DHX32: variants seen among roughly 807,000 people sequenced by gnomAD.
The protein encoded by DHX32 is DEAH-box helicase 32 (putative).
A neutral mutation model predicts 70.0 loss-of-function variants in DHX32; 51 were observed. The ratio of observed to expected loss-of-function variants is 0.73; its 90% confidence interval spans 0.58 to 0.92. The LOEUF (loss-of-function observed/expected upper bound fraction) is 0.92. Ranked by LOEUF, DHX32 falls within the 40% of genes least tolerant of loss-of-function variation. DHX32 has a pLI of 0.00. For synonymous variants in DHX32, 310 were observed against 315.3 expected (o/e 0.98, Z 0.18); for missense variants, 762 against 891.8 (o/e 0.85, Z 1.85).
intron 6 of DHX32, among the ~76,000 whole-genome samples, chr10:125,843,387 G>T (rs1268222885): frequency 6.6e-6 from 1 of 152,072 alleles, no homozygotes; most frequent in Non-Finnish European, 1.5e-5. Context: ...GAGGCGGGAG[G>T]ATCACCAGGT....
intron 1 of DHX32, among the ~76,000 whole-genome samples, chr10:125,894,469 A>T (rs1944399016): frequency 6.6e-6 from 1 of 152,250 alleles, no homozygotes; most frequent in Non-Finnish European, 1.5e-5. Context: ...TGTCCCCTAA[A>T]ATCAAATGTT....
At chr10:125,863,639 CG>C (rs1944202736) in intron 2 of DHX32, among the ~76,000 whole-genome samples, 1 of 151,932 alleles carries the variant, frequency 6.6e-6, no homozygotes, top group African/African-American at 2.4e-5. Context: ...TTAGTAGAGA[CG>C]GGGTTTCACC....
rs560318203 is a variant in DHX32 at position 125,836,600 on chromosome 10, G to A, written c.*87C>T. On this transcript the variant is annotated 3_prime_UTR_variant, in exon 11 of 11. Transcript: ENST00000284690. Reference sequence around the variant, plus strand: ...AGACCGTCCTGTGGATGTGAAATCCGTCTTCGCGTCATGTATCTCCCATAT... The same window carrying A: ...AGACCGTCCTGTGGATGTGAAATCCATCTTCGCGTCATGTATCTCCCATAT... 4.9e-4 allele frequency: 730 copies of A among 1,489,766 alleles called. 12 individuals carry two copies. The South Asian group carries it at 9.2e-3, about 19-fold the overall frequency. The allele number at this position is 1,489,766 out of a possible 1,614,324, so 92.3% of individuals were successfully genotyped here. A position where few individuals can be genotyped will look rare whatever the true frequency, so the allele number is the denominator to read the frequency against.
intron 1 of DHX32, among the ~76,000 whole-genome samples, chr10:125,874,108 A>G (rs1589716407): frequency 1.3e-5 from 2 of 152,224 alleles, no homozygotes. Context: ...TTCTATAAAC[A>G]TATGGGAAAT....
intron 4 of DHX32, chr10:125,853,736 G>A: frequency 2.0e-6 from 1 of 492,166 alleles, no homozygotes; most frequent in African/African-American, 2.0e-5. Flanking sequence ...TTTCTCCTTT[G>A]GCAGCTCAAT....
intron 1 of DHX32, among the ~76,000 whole-genome samples, chr10:125,870,409 T>C (rs1944248817): frequency 6.6e-6 from 1 of 152,198 alleles, no homozygotes; most frequent in East Asian, 1.9e-4. Context: ...GTAAACAGCA[T>C]GACCAGAACC....
intron 1 of DHX32, among the ~76,000 whole-genome samples, chr10:125,868,190 T>C (rs1288379860): frequency 1.3e-5 from 2 of 152,238 alleles, no homozygotes; most frequent in East Asian, 1.9e-4. Context: ...AAATATATTA[T>C]GGACCAACTG....
intron 6 of DHX32, among the ~76,000 whole-genome samples, chr10:125,844,089 A>G (rs1854949515): frequency 1.3e-5 from 2 of 152,234 alleles, no homozygotes; most frequent in East Asian, 1.9e-4. Flanking sequence ...TGGACTAACC[A>G]TGACCTTGAG....
upstream of DHX32, among the ~76,000 whole-genome samples, chr10:125,883,841 A>T (rs907266676): frequency 7.2e-5 from 11 of 152,194 alleles, no homozygotes; most frequent in African/African-American, 2.4e-4. Context: ...AATCTACAGA[A>T]GCCAAAGACC....
At chr10:125,847,802 A>G (rs1396310990) in intron 6 of DHX32, among the ~76,000 whole-genome samples, 1 of 152,138 alleles carries the variant, frequency 6.6e-6, no homozygotes, top group Non-Finnish European at 1.5e-5. Flanking sequence ...ATCAGGCATT[A>G]GATTCTCATA....
chr10:125,852,064 C>G (rs1371083610), intron 6 of DHX32, among the ~76,000 whole-genome samples: 1 of 152,156 alleles, frequency 6.6e-6, no homozygotes, highest in Non-Finnish European at 1.5e-5. Context: ...CAGTGTCCAA[C>G]AGCAGACACA....
At chr10:125,856,063 C>T (rs1045366203) in intron 3 of DHX32, among the ~76,000 whole-genome samples, 7 of 152,194 alleles carry the variant, frequency 4.6e-5, no homozygotes, top group Non-Finnish European at 1.0e-4. Flanking sequence ...GCTTTAAGGC[C>T]ATAATCTGCA....
Position 125,853,247 on chromosome 10 carries a change from G to T in DHX32, c.1093-605C>A, listed in dbSNP as rs770602761. On this transcript the variant is annotated intron_variant, in intron 4 of 10. Coordinates refer to ENST00000284690, the MANE Select transcript of DHX32 (RefSeq NM_018180.3). ...TGTTGGAATTGCTCTGTCATAATAA[G>T]TCAGGGATATTTAGGAGGCTCATAG... is the stretch of plus-strand genomic sequence containing the variant. 13 of 1,587,530 alleles carry T rather than the reference G, an allele frequency of 8.2e-6. No individual in the cohort carries two copies. In the East Asian group the frequency reaches 3.0e-4, roughly 36 times the overall value.
At chr10:125,860,964 G>C (rs1414134030) in intron 2 of DHX32, among the ~76,000 whole-genome samples, 1 of 151,658 alleles carries the variant, frequency 6.6e-6, no homozygotes, top group Non-Finnish European at 1.5e-5. Flanking sequence ...GTGTTAGCCA[G>C]GATGGTCTCG....
intron 1 of DHX32, among the ~76,000 whole-genome samples, chr10:125,867,524 C>T (rs1460371977): frequency 6.6e-6 from 1 of 152,232 alleles, no homozygotes; most frequent in East Asian, 1.9e-4. Context: ...ATCACGAAGT[C>T]AGGAGATCGA....
In DHX32 at chr10:125,864,929, C is replaced by CAAAAAAAA; in HGVS notation, c.476+2053_476+2060dup. 3.0e-3 allele frequency among the ~76,000 whole-genome samples: 165 copies of CAAAAAAAA among 54,228 alleles called. 22 individuals carry two copies. Among genetic ancestry groups the CAAAAAAAA allele is most frequent in the East Asian group, 5.2e-3 (6 of 1,160 alleles). 35.6% of individuals were successfully genotyped at this position (54,228 alleles called of 152,430 possible). ...TGGGAGACAGAGTGGGACTCTGTCT[C>CAAAAAAAA]AAAAAAAAAAAAAAAAAAAAAAAAA... On this transcript the variant is annotated intron_variant, in intron 2 of 10. Coordinates refer to ENST00000284690, the MANE Select transcript of DHX32 (RefSeq NM_018180.3).
intron 3 of DHX32, among the ~76,000 whole-genome samples, chr10:125,856,070 T>C (rs1285527011): frequency 6.6e-6 from 1 of 152,260 alleles, no homozygotes; most frequent in Non-Finnish European, 1.5e-5. Context: ...GGCCATAATC[T>C]GCAGAATTTG....
chr10:125,854,303 C>A, intron 3 of DHX32, 100 bp from the exon 4 acceptor site: 9 of 1,224,754 alleles, frequency 7.3e-6, no homozygotes, highest in Non-Finnish European at 9.8e-6. Flanking sequence ...TACTACGTAA[C>A]AGATACAGGG....
chr10:125,890,574 T>C (rs1944364731), intron 1 of DHX32: 2 of 152,312 alleles, frequency 1.3e-5, no homozygotes, highest in African/African-American at 4.8e-5. Flanking sequence ...TGTTGGTTCA[T>C]ATCAGATACA....
Sources: gnomAD v4.1 joint callset for allele counts (sites outside exome capture counted in the v4.1 genomes callset) on GRCh38, gnomAD v4.1.1 for gene constraint, MANE v1.5 for transcripts, NCBI Gene and HGNC (gene_info 2026-07-23, HGNC 2026-07-21) for gene names.